COL6A5: variants seen among roughly 807,000 people sequenced by gnomAD.
COL6A5 encodes the protein collagen type VI alpha 5 chain.
Under a neutral mutation model 65.6 loss-of-function variants are expected in COL6A5, and 48 were observed. The ratio of observed to expected loss-of-function variants is 0.73; its 90% CI spans 0.58 to 0.93. COL6A5 has a LOEUF of 0.93. Ranked by LOEUF, COL6A5 falls within the 40% of genes least tolerant of loss-of-function variation. The probability of loss-of-function intolerance (pLI) is 0.00; values close to 1 mark genes in which losing one functional copy is unlikely to be tolerated. For synonymous variants in COL6A5, 291 were observed against 322.8 expected (o/e 0.90, Z 1.05); for missense variants, 914 against 928.3 (o/e 0.98, Z 0.20).
chr3:130,466,639 T>C (rs928690543), intron 5 of COL6A5, among the ~76,000 whole-genome samples: 7 of 151,668 alleles, frequency 4.6e-5, no homozygotes, highest in Admixed American at 2.0e-4. Flanking sequence ...TTCAGTGAAA[T>C]TGAAAAAAGA....
intron 11 of COL6A5, 90 bp from the exon 12 acceptor site, chr3:130,401,672 A>G (rs1226330209): frequency 6.3e-6 from 6 of 947,392 alleles, no homozygotes; most frequent in Non-Finnish European, 9.9e-6. Context: ...GGGCGTGTAG[A>G]TGGTGGATTA....
At chr3:130,468,823 A>G (rs1267168988) in exon 6 of COL6A5, 7 of 1,610,058 alleles carry the variant, frequency 4.3e-6, no homozygotes, top group Non-Finnish European at 5.9e-6. Flanking sequence ...GAAAAGAAGA[A>G]CCAGATCATA....
chr3:130,411,452 TG>T (rs1297816067), intron 20 of COL6A5, among the ~76,000 whole-genome samples: 3 of 152,182 alleles, frequency 2.0e-5, no homozygotes, highest in Non-Finnish European at 4.4e-5. Context: ...GGATAGATGG[TG>T]AAGAAATGTG....
At position 130,398,156 on chromosome 3, in the gene COL6A5, AG is replaced by A. The variant is rs1432158823; in HGVS notation, c.3991+46del. On this transcript the variant is annotated intron_variant and NMD_transcript_variant, in intron 10 of 41. Coordinates refer to the COL6A5 transcript ENST00000312481. The stretch of plus-strand genomic sequence containing the variant: ...TTTTTTTTTTTTTTTTTTGAGATGG[AG>A]TGTCAGTCTGTCACCCAGGTTGGAG... 11 of 1,153,496 alleles carry A rather than the reference AG, an allele frequency of 9.5e-6. No individual in the cohort carries two copies. The Admixed American group carries it at 3.2e-4, about 34-fold the overall frequency. 71.5% of individuals were successfully genotyped at this position (1,153,496 alleles called of 1,614,324 possible).
In COL6A5 at chr3:130,353,337, C is replaced by G. The variant is rs141120927; in HGVS notation, c.-29+7356C>G. Reference sequence around the variant, plus strand: ...CAAAAGCACCAGTACGGGTCTGATGCGAAAATACTTCCACAAAGGAAAGAA... The same window carrying G: ...CAAAAGCACCAGTACGGGTCTGATGGGAAAATACTTCCACAAAGGAAAGAA... On this transcript the variant is annotated intron_variant and NMD_transcript_variant, in intron 1 of 41. Coordinates refer to the COL6A5 transcript ENST00000312481. Among the ~76,000 whole-genome samples, 12 of 152,152 alleles carry G rather than the reference C, an allele frequency of 7.9e-5. 1 individual carries two copies. The highest frequency in any genetic ancestry group is 2.9e-4 in the African/African-American group (12 of 41,530).
intron 4 of COL6A5, 111 bp downstream of exon 4, chr3:130,380,161 G>A (rs924858127): frequency 6.0e-5 from 51 of 848,542 alleles, no homozygotes; most frequent in Non-Finnish European, 8.4e-5. Context: ...TTCAGGAGTT[G>A]TGGGAATGTT....
At chr3:130,404,372 G>C (rs1239256882) in intron 13 of COL6A5, among the ~76,000 whole-genome samples, 1 of 152,140 alleles carries the variant, frequency 6.6e-6, no homozygotes, top group East Asian at 1.9e-4. Flanking sequence ...ATCTGGGCAG[G>C]AAGTTTTAAG....
intron 22 of COL6A5, 120 bp from the exon 23 acceptor site, chr3:130,415,525 G>T: frequency 1.2e-6 from 1 of 828,952 alleles, no homozygotes; most frequent in Non-Finnish European, 1.8e-6. Context: ...TTAATCTCAG[G>T]GTTAAAAGGC....
intron 11 of COL6A5, 56 bp from the exon 12 acceptor site, chr3:130,401,706 A>G: frequency 3.9e-6 from 5 of 1,294,752 alleles, no homozygotes; most frequent in Non-Finnish European, 5.5e-6. Flanking sequence ...TACAATTCTT[A>G]TGGAATAAAG....
At chr3:130,422,307 A>G (rs1244721891) in intron 27 of COL6A5, among the ~76,000 whole-genome samples, 2 of 151,970 alleles carry the variant, frequency 1.3e-5, no homozygotes, top group Non-Finnish European at 2.9e-5. Flanking sequence ...ATGTCGATAA[A>G]TAACTGTCAA....
At chr3:130,451,485 C>T (rs543543851) in intron 4 of COL6A5, among the ~76,000 whole-genome samples, 12 of 151,912 alleles carry the variant, frequency 7.9e-5, no homozygotes, top group Admixed American at 6.6e-5. Flanking sequence ...GTTGAGGAAC[C>T]GAAACGACAG....
At chr3:130,450,699 C>T (rs144977120) in intron 4 of COL6A5, among the ~76,000 whole-genome samples, 10 of 152,260 alleles carry the variant, frequency 6.6e-5, no homozygotes, top group African/African-American at 2.4e-4. Flanking sequence ...TCAACAGCGT[C>T]TTGTAATTTA....
At chr3:130,393,642 A>T (rs1936483947) in intron 7 of COL6A5, among the ~76,000 whole-genome samples, 2 of 152,182 alleles carry the variant, frequency 1.3e-5, no homozygotes, top group Non-Finnish European at 2.9e-5. Context: ...TTTATTAGGG[A>T]TCCACACCTG....
Position 130,440,149 on chromosome 3 carries a change from T to C in COL6A5, c.582-17T>C. On this transcript the variant is annotated splice_polypyrimidine_tract_variant and intron_variant, in intron 2 of 7. Coordinates refer to ENST00000512836, the Ensembl canonical transcript of COL6A5. ...GTCAGTGTTGAACCAATGATGTGTC[T>C]CTCTGTGTGTTTTCAGATAAATGTT... is the stretch of plus-strand genomic sequence containing the variant. The C allele has an allele frequency of 6.3e-7, 1 of 1,594,758 alleles. No homozygotes were observed.
intron 3 of COL6A5, among the ~76,000 whole-genome samples, chr3:130,377,372 C>A (rs138249020): frequency 4.7e-4 from 72 of 152,336 alleles, no homozygotes; most frequent in African/African-American, 1.5e-3. Context: ...GGATCACTGT[C>A]TATTCTCTTT....
intron 26 of COL6A5, 56 bp from the exon 27 acceptor site, chr3:130,421,269 T>A (rs79075848): frequency 0.044 from 68,063 of 1,546,988 alleles, 1,762 homozygotes; most frequent in South Asian, 0.089. Context: ...AGAAGAAATG[T>A]TCATACTGCA....
intron 1 of COL6A5, among the ~76,000 whole-genome samples, chr3:130,354,613 C>T (rs139821163): frequency 6.6e-6 from 1 of 152,296 alleles, no homozygotes; most frequent in African/African-American, 2.4e-5. Context: ...TTGAGAAACA[C>T]TTTCTTAATT....
chr3:130,386,620 A>G (rs953260976), intron 5 of COL6A5, among the ~76,000 whole-genome samples: 6 of 152,122 alleles, frequency 3.9e-5, no homozygotes, highest in African/African-American at 9.6e-5. Context: ...AGATTCCCCA[A>G]TGTTTCCTGG....
At chr3:130,470,462 G>A (rs138872713) in intron 6 of COL6A5, among the ~76,000 whole-genome samples, 84 of 151,776 alleles carry the variant, frequency 5.5e-4, no homozygotes, top group African/African-American at 1.8e-3. Flanking sequence ...CTCCCAACCC[G>A]AAGATAAGTA....
Sources: gnomAD v4.1 joint callset for allele counts (sites outside exome capture counted in the v4.1 genomes callset) on GRCh38, gnomAD v4.1.1 for gene constraint, MANE v1.5 for transcripts, NCBI Gene and HGNC (gene_info 2026-07-23, HGNC 2026-07-21) for gene names.